The following CSMD1 variants were observed in gnomAD, a reference collection of about 807,000 sequenced individuals.
CSMD1 encodes CUB and sushi domain-containing protein 1.
In CSMD1, 213 loss-of-function variants were observed where a neutral mutation model predicts 417.5. That is an observed-to-expected ratio of 0.51 (90% CI 0.46 to 0.57). CSMD1 has a LOEUF of 0.57. Among genes scored for constraint, CSMD1 ranks in the 20% least tolerant of loss-of-function variants. The pLI, the probability that CSMD1 is intolerant of heterozygous loss-of-function variation, is 0.00. For missense variants in CSMD1, 6,923 were observed against 4,529.7 expected, an observed-to-expected ratio of 1.53 and a Z score of -15.17; for synonymous variants, 2,862 against 1,736.8, an observed-to-expected ratio of 1.65 and a Z score of -16.11.
At chr8:4,992,264 C>T (rs1563947550) in intron 1 of CSMD1, among the ~76,000 whole-genome samples, 2 of 152,208 alleles carry the variant, frequency 1.3e-5, no homozygotes. Context: ...GCGCTGCAGC[C>T]CACCCGCGTG....
intron 5 of CSMD1, among the ~76,000 whole-genome samples, chr8:3,811,225 G>C (rs988458951): frequency 1.3e-5 from 2 of 152,134 alleles, no homozygotes; most frequent in South Asian, 2.1e-4. Flanking sequence ...CAATCTGTGA[G>C]TATGAAACAC....
At chr8:3,641,143 C>T (rs1476932771) in intron 7 of CSMD1, among the ~76,000 whole-genome samples, 2 of 150,870 alleles carry the variant, frequency 1.3e-5, no homozygotes, top group African/African-American at 4.9e-5. Flanking sequence ...TCAGACAGAC[C>T]GGTTCTCTGA....
chr8:4,313,589 C>G (rs182718119), intron 3 of CSMD1, among the ~76,000 whole-genome samples: 3 of 151,206 alleles, frequency 2.0e-5, no homozygotes, highest in African/African-American at 4.9e-5. Context: ...TTGGAATTAA[C>G]TGTCAATGTG....
chr8:3,311,010 T>C (rs893768317), intron 23 of CSMD1, among the ~76,000 whole-genome samples: 2 of 152,182 alleles, frequency 1.3e-5, no homozygotes, highest in African/African-American at 4.8e-5. Context: ...CTACACAGGC[T>C]GCTCAACTTA....
intron 3 of CSMD1, among the ~76,000 whole-genome samples, chr8:4,178,718 G>A (rs561654498): frequency 2.0e-3 from 298 of 152,202 alleles, no homozygotes; most frequent in African/African-American, 3.3e-3. Flanking sequence ...AAGCTGATAG[G>A]CAACTTCAGC....
chr8:3,797,077 G>T (rs1404662193), intron 5 of CSMD1, among the ~76,000 whole-genome samples: 1 of 151,728 alleles, frequency 6.6e-6, no homozygotes, highest in East Asian at 1.9e-4. Flanking sequence ...TTATTAAGAT[G>T]GACTTCTCCT....
intron 3 of CSMD1, among the ~76,000 whole-genome samples, chr8:4,404,899 A>G (rs913918276): frequency 6.6e-6 from 1 of 152,100 alleles, no homozygotes; most frequent in Non-Finnish European, 1.5e-5. Context: ...CGCTCATTGA[A>G]TTTTTCCAAA....
At chr8:3,647,741 G>C (rs1797648745) in intron 7 of CSMD1, among the ~76,000 whole-genome samples, 1 of 152,110 alleles carries the variant, frequency 6.6e-6, no homozygotes, top group Admixed American at 6.6e-5. Flanking sequence ...TTGATTGGAG[G>C]GAGACACAGA....
At chr8:3,166,368 G>A (rs1446670295) in intron 37 of CSMD1, among the ~76,000 whole-genome samples, 4 of 151,574 alleles carry the variant, frequency 2.6e-5, no homozygotes, top group South Asian at 2.1e-4. Context: ...ACCCCGTCTC[G>A]ACCACAAATG....
chr8:3,892,912 G>C (rs1230017224), intron 5 of CSMD1, among the ~76,000 whole-genome samples: 1 of 151,704 alleles, frequency 6.6e-6, no homozygotes, highest in Non-Finnish European at 1.5e-5. Flanking sequence ...GACAGAGCAA[G>C]AGGCCTCTCT....
intron 2 of CSMD1, among the ~76,000 whole-genome samples, chr8:4,602,767 A>G (rs1800660451): frequency 2.0e-5 from 3 of 152,238 alleles, no homozygotes; most frequent in South Asian, 2.1e-4. Context: ...AATCTATAAT[A>G]AGCATTGTCT....
chr8:4,655,679 G>C (rs1227350181), intron 1 of CSMD1, among the ~76,000 whole-genome samples: 1 of 151,980 alleles, frequency 6.6e-6, no homozygotes, highest in Non-Finnish European at 1.5e-5. Flanking sequence ...CAATATAATG[G>C]AAAAGGTAAC....
At chr8:3,602,570 G>A (rs1384807976) in intron 8 of CSMD1, among the ~76,000 whole-genome samples, 1 of 152,078 alleles carries the variant, frequency 6.6e-6, no homozygotes, top group Non-Finnish European at 1.5e-5. Flanking sequence ...TGACACTCCT[G>A]AACAGAGCCA....
intron 25 of CSMD1, among the ~76,000 whole-genome samples, chr8:3,295,656 C>G (rs142940370): frequency 1.3e-3 from 199 of 152,184 alleles, no homozygotes; most frequent in African/African-American, 4.5e-3. Context: ...ACTCGCTCTC[C>G]CTTGGGATTC....
intron 1 of CSMD1, among the ~76,000 whole-genome samples, chr8:4,926,297 A>T (rs1332118788): frequency 6.6e-6 from 1 of 152,168 alleles, no homozygotes; most frequent in African/African-American, 2.4e-5. Flanking sequence ...TTTTGGTTCT[A>T]ACGAAAGGAA....
At chr8:3,373,131 C>G (rs1390766494) in intron 18 of CSMD1, among the ~76,000 whole-genome samples, 1 of 152,182 alleles carries the variant, frequency 6.6e-6, no homozygotes, top group Non-Finnish European at 1.5e-5. Flanking sequence ...GTTATATAAA[C>G]TGATAAAATT....
intron 1 of CSMD1, among the ~76,000 whole-genome samples, chr8:4,946,372 C>A (rs1290864383): frequency 6.6e-6 from 1 of 152,010 alleles, no homozygotes; most frequent in Non-Finnish European, 1.5e-5. Context: ...TGAGAAATGC[C>A]CCCACCTAGT....
intron 1 of CSMD1, among the ~76,000 whole-genome samples, chr8:4,757,813 G>A (rs77661773): frequency 0.019 from 2,903 of 151,954 alleles, 38 homozygotes; most frequent in Non-Finnish European, 0.028. Context: ...AGGAAAATTA[G>A]CGAGGCACGG....
At chr8:3,412,230 A>G (rs1209187413) in intron 12 of CSMD1, among the ~76,000 whole-genome samples, 1 of 150,122 alleles carries the variant, frequency 6.7e-6, no homozygotes, top group Non-Finnish European at 1.5e-5. Context: ...TTCTTTATCC[A>G]CTCATTGATT....
Sources: allele counts gnomAD v4.1 joint callset (sites outside exome capture counted in the v4.1 genomes callset), GRCh38; gene constraint gnomAD v4.1.1; transcripts MANE v1.5; gene names NCBI Gene and HGNC (gene_info 2026-07-23, HGNC 2026-07-21).